IGF1R: variants seen among roughly 807,000 people sequenced by gnomAD.
IGF1R encodes insulin like growth factor 1 receptor, also known as insulin-like growth factor 1 receptor.
Under a neutral mutation model 144.6 loss-of-function variants are expected in IGF1R, and 44 were observed. The ratio of observed to expected loss-of-function variants is 0.30; its 90% CI spans 0.24 to 0.39. The LOEUF (loss-of-function observed/expected upper bound fraction) is 0.39, where lower values mean the gene tolerates loss of function less well. IGF1R is among the 10% of genes least tolerant of loss of function. The probability of loss-of-function intolerance (pLI) is 1.00; values close to 1 mark genes in which losing one functional copy is unlikely to be tolerated. For synonymous variants in IGF1R, 795 were observed against 722.8 expected, an observed-to-expected ratio of 1.10 and a Z score of -1.60; for missense variants, 1,355 against 1,833.7, an observed-to-expected ratio of 0.74 and a Z score of 4.77.
In IGF1R at chr15:98,732,573, G is replaced by T. The variant is rs74032555; in HGVS notation, c.640+24466G>T. 8.0e-3 allele frequency among the ~76,000 whole-genome samples: 1,222 copies of T among 152,160 alleles called. 24 individuals are homozygous for T. The highest frequency in any genetic ancestry group is 0.028 in the African/African-American group (1,164 of 41,560). On this transcript the variant is annotated intron_variant, in intron 2 of 20. Coordinates refer to ENST00000650285, the MANE Select transcript of IGF1R (RefSeq NM_000875.5). ...TTGCTATGGAGTGAGCATGGGGAAG[G>T]GGGTCGGAGGCCTTTTGGAGATAGA...
In IGF1R at chr15:98,860,818, TC is replaced by T. The variant is rs1306928922; in HGVS notation, c.641-30505del. 9.8e-5 allele frequency among the ~76,000 whole-genome samples: 15 copies of T among 152,326 alleles called. No homozygotes were observed. In the East Asian group the frequency reaches 2.7e-3, roughly 27 times the overall value. ...CCTCTGTAGGTGATTATTTGCCACT[TC>T]CTTTTTGCTGTGAGTGCTTTGAAAA... On this transcript the variant is annotated intron_variant, in intron 2 of 20. Coordinates refer to ENST00000650285, the MANE Select transcript of IGF1R (RefSeq NM_000875.5).
intron 3 of IGF1R, 34 bp from the exon 4 acceptor site, chr15:98,896,723 G>A (rs2014216763): frequency 9.3e-6 from 15 of 1,605,732 alleles, no homozygotes; most frequent in Non-Finnish European, 1.3e-5. Context: ...ACTCAATTAT[G>A]TGTGTTTTTG....
At chr15:98,802,048 C>T (rs919565370) in intron 2 of IGF1R, among the ~76,000 whole-genome samples, 2 of 152,124 alleles carry the variant, frequency 1.3e-5, no homozygotes, top group African/African-American at 2.4e-5. Flanking sequence ...ATGTGTGTCC[C>T]GTTACCAAGT....
intron 13 of IGF1R, among the ~76,000 whole-genome samples, chr15:98,925,226 C>T (rs564290998): frequency 2.0e-5 from 3 of 152,196 alleles, no homozygotes; most frequent in Non-Finnish European, 2.9e-5. Context: ...TGGAAATGTA[C>T]GGTGCTCACC....
chr15:98,886,263 C>T (rs1250524482), intron 2 of IGF1R, among the ~76,000 whole-genome samples: 1 of 152,054 alleles, frequency 6.6e-6, no homozygotes, highest in Non-Finnish European at 1.5e-5. Context: ...GAGTTAAAGG[C>T]TGATGTGTGT....
intron 15 of IGF1R, among the ~76,000 whole-genome samples, chr15:98,934,602 T>C (rs1006751913): frequency 6.6e-6 from 1 of 152,236 alleles, no homozygotes; most frequent in African/African-American, 2.4e-5. Flanking sequence ...CAAATTATCT[T>C]GAAATCCTCA....
intron 2 of IGF1R, among the ~76,000 whole-genome samples, chr15:98,811,075 C>T (rs1484138912): frequency 2.0e-5 from 3 of 151,628 alleles, no homozygotes; most frequent in East Asian, 2.0e-4. Context: ...CTGAGGCGGC[C>T]GGATCACCTG....
At chr15:98,708,202 G>T in intron 2 of IGF1R, 95 bp downstream of exon 2, 1 of 1,091,930 alleles carries the variant, frequency 9.2e-7, no homozygotes, top group East Asian at 2.4e-5. Flanking sequence ...GAGTTCCGCT[G>T]GGCAGGGTGC....
chr15:98,771,472 T>A (rs931483591), intron 2 of IGF1R, among the ~76,000 whole-genome samples: 9 of 152,150 alleles, frequency 5.9e-5, no homozygotes. Flanking sequence ...TGGACGTATT[T>A]GAGGAGGTAA....
At chr15:98,691,291 T>C (rs935111420) in intron 1 of IGF1R, among the ~76,000 whole-genome samples, 2 of 152,152 alleles carry the variant, frequency 1.3e-5, no homozygotes, top group Admixed American at 1.3e-4. Context: ...CTTGGTGACT[T>C]TGACAGTTTC....
At chr15:98,701,871 T>C (rs1357389814) in intron 1 of IGF1R, among the ~76,000 whole-genome samples, 1 of 152,152 alleles carries the variant, frequency 6.6e-6, no homozygotes, top group Non-Finnish European at 1.5e-5. Flanking sequence ...TATTACTGTT[T>C]GCAGTAACAC....
In IGF1R at chr15:98,964,100, T is replaced by A. The variant is rs1165756108; in HGVS notation, c.*6658T>A. Reference sequence around the variant, plus strand: ...TTGAGGTGAGAGGTTTGCCAGAGTTTGTCTACCTCTGGGTATCCCTTTGTC... The same window carrying A: ...TTGAGGTGAGAGGTTTGCCAGAGTTAGTCTACCTCTGGGTATCCCTTTGTC... On this transcript the variant is annotated 3_prime_UTR_variant, in exon 21 of 21. Transcript: ENST00000650285. The A allele has an allele frequency of 4.3e-6, 1 of 233,094 alleles. No homozygotes were observed. The highest frequency in any genetic ancestry group is 2.2e-5 in the African/African-American group (1 of 45,302). 14.4% of individuals were successfully genotyped at this position (233,094 alleles called of 1,614,324 possible).
chr15:98,655,911 T>C (rs2052474427), intron 1 of IGF1R, among the ~76,000 whole-genome samples: 1 of 152,172 alleles, frequency 6.6e-6, no homozygotes, highest in Admixed American at 6.5e-5. Context: ...TTTGCTATGT[T>C]GCTCAGGTTG....
chr15:98,787,210 T>C (rs932779487), intron 2 of IGF1R, among the ~76,000 whole-genome samples: 1 of 152,196 alleles, frequency 6.6e-6, no homozygotes, highest in South Asian at 2.1e-4. Flanking sequence ...CACCTGTCTC[T>C]GTTTTTGTCC....
intron 2 of IGF1R, among the ~76,000 whole-genome samples, chr15:98,722,795 A>G (rs2054274367): frequency 6.6e-6 from 1 of 152,124 alleles, no homozygotes; most frequent in South Asian, 2.1e-4. Context: ...CTGCCTTTGC[A>G]GAGGTCTGTG....
chr15:98,849,715 TAAGG>T (rs770079665), intron 2 of IGF1R, among the ~76,000 whole-genome samples: 2 of 152,196 alleles, frequency 1.3e-5, no homozygotes, highest in African/African-American at 4.8e-5. Flanking sequence ...TAGAAATTGT[TAAGG>T]AAGAGGCTAA....
At chr15:98,798,074 G>C (rs1344246082) in intron 2 of IGF1R, among the ~76,000 whole-genome samples, 5 of 152,198 alleles carry the variant, frequency 3.3e-5, no homozygotes, top group Admixed American at 3.3e-4. Context: ...TTGAGCACCT[G>C]CTGTGTGCCA....
At chr15:98,875,027 G>C (rs2012983929) in intron 2 of IGF1R, among the ~76,000 whole-genome samples, 1 of 152,204 alleles carries the variant, frequency 6.6e-6, no homozygotes, top group South Asian at 2.1e-4. Flanking sequence ...GCCAGTACTT[G>C]TTCTCTGTGA....
intron 2 of IGF1R, among the ~76,000 whole-genome samples, chr15:98,879,520 G>A (rs987673382): frequency 6.6e-6 from 1 of 152,128 alleles, no homozygotes; most frequent in Non-Finnish European, 1.5e-5. Flanking sequence ...GGCACACGGG[G>A]GTGAACATTC....
Sources: allele counts gnomAD v4.1 joint callset (sites outside exome capture counted in the v4.1 genomes callset), GRCh38; gene constraint gnomAD v4.1.1; transcripts MANE v1.5; gene names NCBI Gene and HGNC (gene_info 2026-07-23, HGNC 2026-07-21).